Variants in ZBTB44 observed in about 807,000 individuals in gnomAD.
The protein encoded by ZBTB44 is zinc finger and BTB domain containing 44, also known as zinc finger and BTB domain-containing protein 44.
Under a neutral mutation model 54.0 loss-of-function variants are expected in ZBTB44, and 15 were observed. The observed-to-expected ratio is 0.28, with a 90% CI of 0.19 to 0.43. ZBTB44 has a LOEUF of 0.43. Ranked by LOEUF, ZBTB44 falls within the 20% of genes least tolerant of loss-of-function variation. The pLI is 1.00. For missense variants in ZBTB44, 487 were observed against 707.1 expected, an observed-to-expected ratio of 0.69 and a Z score of 3.53; for synonymous variants, 230 against 250.1, an observed-to-expected ratio of 0.92 and a Z score of 0.76.
intron 1 of ZBTB44, among the ~76,000 whole-genome samples, chr11:130,297,558 A>C (rs1225507781): frequency 1.3e-5 from 2 of 152,206 alleles, no homozygotes; most frequent in Non-Finnish European, 2.9e-5. Flanking sequence ...GTCTTTATAG[A>C]GGTAATCAAG....
intron 2 of ZBTB44, 43 bp downstream of exon 2, chr11:130,260,813 A>C (rs752584273): frequency 6.5e-7 from 1 of 1,529,186 alleles, no homozygotes; most frequent in East Asian, 2.3e-5. Flanking sequence ...AAAATGTTTG[A>C]ATTGACTTTA....
rs761182625 is a variant in ZBTB44 at position 130,261,492 on chromosome 11, T to G, written c.382A>C (p.Ile128Leu). Residue 128 changes from isoleucine (I) to leucine (L), a missense_variant, in exon 2 of 8, where the codon ATT (isoleucine) becomes CTT (leucine). By Grantham distance (5) the Ile-to-Leu change is conservative (BLOSUM62 2). This residue lies in a region of ZBTB44 where 90 missense variants were observed against 160.3 expected (regional missense o/e 0.56). Coordinates refer to ENST00000357899, the MANE Select transcript of ZBTB44 (RefSeq NM_001301098.2). This position sits in a 1 kb window ranked among gnomAD's most constrained non-coding sequence, Gnocchi z 4.8. ...STCSEFMKSS[I>L]LWNTPNSQPE... The stretch of plus-strand genomic sequence containing the variant: ...TGGCTGTTGGGTGTATTCCATAAAA[T>G]GCTTGATTTCATGAACTCTGAGCAG... The G allele has an allele frequency of 6.2e-7, 1 of 1,614,038 alleles. No individual in the cohort carries two copies.
At chr11:130,301,971 G>A (rs1942011648) in intron 1 of ZBTB44, among the ~76,000 whole-genome samples, 1 of 150,534 alleles carries the variant, frequency 6.6e-6, no homozygotes, top group East Asian at 2.0e-4. Flanking sequence ...TGAACCCGGT[G>A]AGCCCAGGAG....
intron 1 of ZBTB44, among the ~76,000 whole-genome samples, chr11:130,284,676 G>C (rs1218929065): frequency 1.3e-5 from 2 of 152,128 alleles, no homozygotes; most frequent in Non-Finnish European, 2.9e-5. Flanking sequence ...AGACCAGCCT[G>C]ACCAACATGG....
intron 1 of ZBTB44, among the ~76,000 whole-genome samples, chr11:130,301,921 T>C (rs1012618585): frequency 6.6e-6 from 1 of 151,530 alleles, no homozygotes; most frequent in Non-Finnish European, 1.5e-5. Flanking sequence ...AGTGCACCTG[T>C]AGTCCCAGTC....
chr11:130,250,332 G>A (rs192348154), intron 2 of ZBTB44, among the ~76,000 whole-genome samples: 32 of 152,326 alleles, frequency 2.1e-4, no homozygotes, highest in Middle Eastern at 3.4e-3. Context: ...GGCTGTGGGC[G>A]CAGCTTCAGT....
chr11:130,269,024 C>T (rs1010840128), intron 1 of ZBTB44, among the ~76,000 whole-genome samples: 2 of 151,236 alleles, frequency 1.3e-5, no homozygotes, highest in Non-Finnish European at 2.9e-5. Context: ...GGCACGGTGG[C>T]TCATGCCTGT....
Position 130,262,071 on chromosome 11 carries a change from A to G in ZBTB44, c.-56-142T>C, listed in dbSNP as rs935722258. The stretch of plus-strand genomic sequence containing the variant: ...AGAAACTTCAAGGTAGGGACTGTAT[A>G]GAAATATATTCTCCTTATCTGCCTT... On this transcript the variant is annotated intron_variant, in intron 1 of 7. Coordinates refer to ENST00000357899, the MANE Select transcript of ZBTB44 (RefSeq NM_001301098.2). 6.5e-6 allele frequency: 4 copies of G among 618,202 alleles called. No homozygotes were observed. In the Middle Eastern group the frequency reaches 1.3e-3, roughly 203 times the overall value. The allele number at this position is 618,202 out of a possible 1,614,324, so 38.3% of individuals were successfully genotyped here.
At chr11:130,276,232 C>CAAAAAAAAAAAA (rs757286125) in intron 1 of ZBTB44, among the ~76,000 whole-genome samples, 8,211 of 31,670 alleles carry the variant, frequency 0.26, 1,310 homozygotes, top group East Asian at 0.43. Flanking sequence ...AACTCTGTCT[C>CAAAAAAAAAAAA]AAAAAAAAAA....
At chr11:130,292,959 C>T (rs1941393917) in intron 1 of ZBTB44, among the ~76,000 whole-genome samples, 1 of 152,154 alleles carries the variant, frequency 6.6e-6, no homozygotes, top group Non-Finnish European at 1.5e-5. Flanking sequence ...TCACTCTTAT[C>T]AATCTAAGTA....
At chr11:130,271,614 G>A (rs10894187) in intron 1 of ZBTB44, among the ~76,000 whole-genome samples, 3 of 152,056 alleles carry the variant, frequency 2.0e-5, no homozygotes, top group Non-Finnish European at 2.9e-5. Context: ...TAATGTGGAC[G>A]TTTGGGGCTC....
intron 4 of ZBTB44, among the ~76,000 whole-genome samples, chr11:130,238,082 G>C (rs1254493342): frequency 6.6e-6 from 1 of 152,136 alleles, no homozygotes; most frequent in African/African-American, 2.4e-5. Context: ...AACTTAAAGA[G>C]ACATTATAAG....
intron 2 of ZBTB44, among the ~76,000 whole-genome samples, chr11:130,254,107 T>C (rs1291580753): frequency 6.6e-6 from 1 of 152,122 alleles, no homozygotes; most frequent in Non-Finnish European, 1.5e-5. Flanking sequence ...CCTAAAACCA[T>C]AAAAACCCTA....
intron 1 of ZBTB44, among the ~76,000 whole-genome samples, chr11:130,300,184 A>G (rs1941914779): frequency 6.6e-6 from 1 of 152,236 alleles, no homozygotes; most frequent in South Asian, 2.1e-4. Context: ...GTTACTGTTT[A>G]ACGAGCACAG....
chr11:130,234,633 A>G (rs1031378330), intron 5 of ZBTB44, among the ~76,000 whole-genome samples: 1 of 152,228 alleles, frequency 6.6e-6, no homozygotes, highest in Admixed American at 6.5e-5. Context: ...CTTTAATGCT[A>G]AACTTTTCTT....
At chr11:130,245,115 T>G (rs1954586238) in intron 2 of ZBTB44, among the ~76,000 whole-genome samples, 1 of 152,204 alleles carries the variant, frequency 6.6e-6, no homozygotes, top group Non-Finnish European at 1.5e-5. Flanking sequence ...GGACTATGTG[T>G]GTTTACATTC....
At chr11:130,306,239 A>G (rs1391394868) in intron 1 of ZBTB44, among the ~76,000 whole-genome samples, 4 of 152,194 alleles carry the variant, frequency 2.6e-5, no homozygotes, top group Admixed American at 2.6e-4. Context: ...ACGATGGCTC[A>G]CACTTGTAAT....
chr11:130,243,482 T>A (rs1249930086), intron 2 of ZBTB44, among the ~76,000 whole-genome samples: 1 of 152,258 alleles, frequency 6.6e-6, no homozygotes, highest in Admixed American at 6.5e-5. Context: ...TAACAATTTG[T>A]AAGTGGTCTA....
At chr11:130,296,378 G>A in intron 1 of ZBTB44, 1 of 1,527,380 alleles carries the variant, frequency 6.5e-7, no homozygotes, top group Non-Finnish European at 8.8e-7. Context: ...ACTATGAGTT[G>A]CTGAACTACA....
Sources: allele counts gnomAD v4.1 joint callset (sites outside exome capture counted in the v4.1 genomes callset), GRCh38; gene constraint gnomAD v4.1.1; regional missense constraint gnomAD v4.1.1; non-coding constraint Gnocchi (gnomAD v3.1); transcripts MANE v1.5; gene names NCBI Gene and HGNC (gene_info 2026-07-23, HGNC 2026-07-21).